PIWIL2: variants seen among roughly 807,000 people sequenced by gnomAD.
The protein encoded by PIWIL2 is piwi like RNA-mediated gene silencing 2.
PIWIL2 carries 81 observed loss-of-function variants against 116.5 expected under a neutral mutation model. The observed-to-expected ratio is 0.70, with a 90% CI of 0.58 to 0.84. The LOEUF is 0.84. Ranked by LOEUF, PIWIL2 falls within the 40% of genes least tolerant of loss-of-function variation. PIWIL2 has a pLI of 0.00. For synonymous variants in PIWIL2, 489 were observed against 429.5 expected (o/e 1.14, Z -1.71); for missense variants, 1,272 against 1,212.3 (o/e 1.05, Z -0.73).
intron 20 of PIWIL2, among the ~76,000 whole-genome samples, chr8:22,346,604 C>T (rs1234345714): frequency 6.6e-6 from 1 of 152,118 alleles, no homozygotes; most frequent in Non-Finnish European, 1.5e-5. Context: ...AGCTCTAGTT[C>T]AGGAGTTCTC....
chr8:22,353,792 T>TTTTTTTTTTTTG (rs1832428412), intron 21 of PIWIL2, among the ~76,000 whole-genome samples: 3 of 135,740 alleles, frequency 2.2e-5, no homozygotes, highest in Admixed American at 7.7e-5. Flanking sequence ...TTTTTTTTTT[T>TTTTTTTTTTTTG]GAGGCAGGGT....
At chr8:22,311,038 TA>T in intron 15 of PIWIL2, 73 bp from the exon 16 acceptor site, 1 of 1,254,632 alleles carries the variant, frequency 8.0e-7, no homozygotes, top group South Asian at 1.4e-5. Context: ...ATTTATTCTC[TA>T]GAATGAAATC....
chr8:22,352,438 C>T (rs1315198418), intron 20 of PIWIL2, among the ~76,000 whole-genome samples: 3 of 152,208 alleles, frequency 2.0e-5, no homozygotes, highest in African/African-American at 7.2e-5. Context: ...GTATGTTTTA[C>T]ACCATACCAG....
chr8:22,277,398 G>A (rs554632442), intron 1 of PIWIL2, among the ~76,000 whole-genome samples: 10 of 152,292 alleles, frequency 6.6e-5, no homozygotes, highest in South Asian at 2.1e-4. Flanking sequence ...GCCTCACCCC[G>A]GGTAACCTGG....
At chr8:22,308,919 A>C (rs770651389) in intron 14 of PIWIL2, among the ~76,000 whole-genome samples, 1 of 151,482 alleles carries the variant, frequency 6.6e-6, no homozygotes, top group Non-Finnish European at 1.5e-5. Context: ...CCAAAGTGTT[A>C]GGAGTACAGG....
intron 1 of PIWIL2, among the ~76,000 whole-genome samples, chr8:22,278,531 C>G (rs1299308508): frequency 6.6e-6 from 1 of 152,152 alleles, no homozygotes; most frequent in African/African-American, 2.4e-5. Flanking sequence ...AAACTGCTTC[C>G]TTATACAACA....
chr8:22,283,429 G>A (rs1031808280), intron 5 of PIWIL2, among the ~76,000 whole-genome samples, 189 bp downstream of exon 5: 1 of 152,208 alleles, frequency 6.6e-6, no homozygotes. Context: ...TTCTTTTTGA[G>A]ACGGAGTCTC....
chr8:22,315,355 C>T (rs201159095), intron 18 of PIWIL2, among the ~76,000 whole-genome samples: 2 of 152,140 alleles, frequency 1.3e-5, no homozygotes, highest in Admixed American at 6.6e-5. Flanking sequence ...TTGTTCTTGT[C>T]GCCCAGGTTG....
chr8:22,282,145 A>G (rs1258251804), intron 4 of PIWIL2, among the ~76,000 whole-genome samples: 2 of 140,552 alleles, frequency 1.4e-5, no homozygotes, highest in South Asian at 2.2e-4. Flanking sequence ...CAGTGGGGCA[A>G]TCTTGGCTCA....
At chr8:22,297,392 A>C (rs1830932956) in intron 10 of PIWIL2, among the ~76,000 whole-genome samples, 1 of 152,178 alleles carries the variant, frequency 6.6e-6, no homozygotes. Flanking sequence ...AAGTGCTAGG[A>C]TTACAGGTGT....
intron 20 of PIWIL2, among the ~76,000 whole-genome samples, chr8:22,331,983 TAG>T (rs1210957409): frequency 2.6e-5 from 4 of 152,056 alleles, no homozygotes; most frequent in Admixed American, 2.6e-4. Flanking sequence ...AACAGTAGCT[TAG>T]ATATAGCTGA....
intron 11 of PIWIL2, among the ~76,000 whole-genome samples, chr8:22,304,428 T>C (rs1475291096): frequency 7.9e-5 from 12 of 152,248 alleles, no homozygotes; most frequent in Admixed American, 7.8e-4. Context: ...AGTTACTATA[T>C]AAATTAAGGG....
intron 20 of PIWIL2, among the ~76,000 whole-genome samples, chr8:22,318,709 A>G (rs755710061): frequency 1.1e-3 from 174 of 152,348 alleles, no homozygotes; most frequent in Middle Eastern, 3.4e-3. Context: ...TGAGTCTCCT[A>G]AACAGCTGCT....
intron 20 of PIWIL2, among the ~76,000 whole-genome samples, chr8:22,346,288 T>G (rs1832224895): frequency 6.6e-6 from 1 of 152,218 alleles, no homozygotes; most frequent in South Asian, 2.1e-4. Flanking sequence ...TATATTTCAA[T>G]AAAGCTGTTC....
intron 14 of PIWIL2, 98 bp from the exon 15 acceptor site, chr8:22,309,863 C>T: frequency 1.5e-6 from 1 of 672,710 alleles, no homozygotes. Flanking sequence ...GGACAAGTGT[C>T]TGTGGTGGAG....
chr8:22,280,270 A>C (rs540760090), intron 2 of PIWIL2, among the ~76,000 whole-genome samples: 1 of 152,290 alleles, frequency 6.6e-6, no homozygotes, highest in Admixed American at 6.5e-5. Context: ...TCTGCCTCTG[A>C]GGTAATAATA....
At chr8:22,349,417 G>GTA (rs1431825878) in intron 20 of PIWIL2, among the ~76,000 whole-genome samples, 87 of 134,578 alleles carry the variant, frequency 6.5e-4, no homozygotes, top group South Asian at 2.0e-3. Flanking sequence ...ATATGTGTGT[G>GTA]TGTATATATA....
chr8:22,290,975 TTTTTTTTA>T (rs1830750208), intron 10 of PIWIL2, among the ~76,000 whole-genome samples: 10 of 149,576 alleles, frequency 6.7e-5, no homozygotes, highest in Non-Finnish European at 8.9e-5. Context: ...TGTATATATA[TTTTTTTTA>T]ATTGAGACAG....
At chr8:22,328,410 T>G (rs963090085) in intron 20 of PIWIL2, among the ~76,000 whole-genome samples, 7 of 152,220 alleles carry the variant, frequency 4.6e-5, no homozygotes, top group Non-Finnish European at 8.8e-5. Flanking sequence ...TTTTTGCTAT[T>G]CAGTGCCCCC....
Sources: gnomAD v4.1 joint callset for allele counts (sites outside exome capture counted in the v4.1 genomes callset) on GRCh38, gnomAD v4.1.1 for gene constraint, MANE v1.5 for transcripts, NCBI Gene and HGNC (gene_info 2026-07-23, HGNC 2026-07-21) for gene names.